The following COL26A1 variants were observed in gnomAD, a reference collection of about 807,000 sequenced individuals.
COL26A1 encodes the protein collagen type XXVI alpha 1 chain, also known as collagen alpha-1(XXVI) chain.
A neutral mutation model predicts 59.3 loss-of-function variants in COL26A1; 41 were observed. The ratio of observed to expected loss-of-function variants is 0.69; its 90% CI spans 0.54 to 0.90. COL26A1 has a LOEUF of 0.90. Among genes scored for constraint, COL26A1 ranks in the 40% least tolerant of loss-of-function variants. The pLI, the probability that COL26A1 is intolerant of heterozygous loss-of-function variation, is 0.00. For missense variants in COL26A1, 612 were observed against 602.3 expected (o/e 1.02, Z -0.17); for synonymous variants, 266 against 256.0 (o/e 1.04, Z -0.37).
At chr7:101,374,756 A>G (rs1791270416) in intron 1 of COL26A1, among the ~76,000 whole-genome samples, 1 of 152,196 alleles carries the variant, frequency 6.6e-6, no homozygotes, top group Non-Finnish European at 1.5e-5. Context: ...TGTCATAATA[A>G]TAGAAATAAA....
At chr7:101,447,328 G>A (rs1793220562) in intron 2 of COL26A1, among the ~76,000 whole-genome samples, 1 of 152,210 alleles carries the variant, frequency 6.6e-6, no homozygotes, top group African/African-American at 2.4e-5. Flanking sequence ...CAGGTAAGAA[G>A]GGGGTCTTTT....
At chr7:101,463,707 TTC>T (rs144530282) in intron 3 of COL26A1, among the ~76,000 whole-genome samples, 49,831 of 113,290 alleles carry the variant, frequency 0.44, 11,853 homozygotes, top group African/African-American at 0.47. Flanking sequence ...TTCTCTCTCT[TTC>T]TTTCTTTTTT....
chr7:101,363,674 T>C (rs1446260329), intron 1 of COL26A1, among the ~76,000 whole-genome samples: 1 of 151,518 alleles, frequency 6.6e-6, no homozygotes, highest in Non-Finnish European at 1.5e-5. Context: ...GCTGCGGTGG[T>C]CTCTGGCCGC....
intron 2 of COL26A1, among the ~76,000 whole-genome samples, chr7:101,437,933 G>A (rs1376193131): frequency 1.3e-5 from 2 of 151,640 alleles, no homozygotes; most frequent in Admixed American, 6.6e-5. Context: ...GGTTGGTCTT[G>A]AACTCCTGGC....
chr7:101,547,328 G>A (rs1327118616), intron 8 of COL26A1, 89 bp downstream of exon 8: 9 of 862,680 alleles, frequency 1.0e-5, no homozygotes, highest in Middle Eastern at 2.3e-4. Context: ...GCTGGAGGTC[G>A]GCTGGCGGTC....
At chr7:101,521,602 G>A (rs1002704840) in intron 3 of COL26A1, among the ~76,000 whole-genome samples, 2 of 152,298 alleles carry the variant, frequency 1.3e-5, no homozygotes, top group African/African-American at 4.8e-5. Context: ...GGTGCACAGA[G>A]CATGGCAAGT....
Position 101,420,002 on chromosome 7 carries a change from C to G in COL26A1, c.184C>G (p.Arg62Gly). Residue 62 changes from arginine to glycine, a missense_variant, in exon 2 of 13, where the codon CGG becomes GGG. By Grantham distance (125) the Arg-to-Gly change is moderately radical. Transcript: ENST00000313669. ...GCACTGGTGCCATCACACAGTGACACGGACGGTGTCCTGCCAGGTGCAGAA... is the reference window on the plus strand; with the variant it reads ...GCACTGGTGCCATCACACAGTGACAGGGACGGTGTCCTGCCAGGTGCAGAA... ...RRHWCHHTVT[R>G]TVSCQVQNGS... is the part of the protein sequence containing the mutation. The G allele has an allele frequency of 6.2e-7, 1 of 1,613,738 alleles. No individual in the cohort carries two copies. The highest frequency in any genetic ancestry group is 8.5e-7 in the Non-Finnish European group (1 of 1,179,858).
chr7:101,442,728 G>T (rs1319512802), intron 2 of COL26A1, among the ~76,000 whole-genome samples: 1 of 152,174 alleles, frequency 6.6e-6, no homozygotes, highest in African/African-American at 2.4e-5. Flanking sequence ...GTGTGAGGCT[G>T]AGTGTGTGTT....
chr7:101,536,859 G>A (rs1795493544), intron 4 of COL26A1, among the ~76,000 whole-genome samples: 1 of 152,230 alleles, frequency 6.6e-6, no homozygotes, highest in African/African-American at 2.4e-5. Context: ...TTATAAAGTG[G>A]CTGCTGCAGC....
chr7:101,433,721 C>T (rs75208600), intron 2 of COL26A1, among the ~76,000 whole-genome samples: 2,467 of 151,960 alleles, frequency 0.016, 55 homozygotes, highest in Non-Finnish European at 0.019. Flanking sequence ...CAGGGTGGCT[C>T]GGAGAAAGAG....
intron 3 of COL26A1, among the ~76,000 whole-genome samples, chr7:101,521,235 C>T (rs1341522113): frequency 2.0e-5 from 3 of 152,242 alleles, no homozygotes; most frequent in African/African-American, 7.2e-5. Flanking sequence ...ATCCAGTCAC[C>T]TCCCACCGTG....
intron 1 of COL26A1, among the ~76,000 whole-genome samples, chr7:101,405,806 C>A (rs191827271): frequency 6.6e-6 from 1 of 152,270 alleles, no homozygotes; most frequent in East Asian, 1.9e-4. Context: ...TTCTCAGCTG[C>A]CCCCTCCACA....
chr7:101,432,617 TGAGTCCCA>T (rs1424200287), intron 2 of COL26A1, among the ~76,000 whole-genome samples: 2 of 152,190 alleles, frequency 1.3e-5, no homozygotes, highest in East Asian at 3.8e-4. Context: ...AGTAGGAGGC[TGAGTCCCA>T]GGAAGAAGCC....
chr7:101,411,163 CTG>C (rs943666069), intron 1 of COL26A1, among the ~76,000 whole-genome samples: 9 of 152,168 alleles, frequency 5.9e-5, no homozygotes, highest in African/African-American at 1.9e-4. Flanking sequence ...AGCTGAGTGA[CTG>C]TGGATGGGAG....
At chr7:101,445,382 G>A (rs1419969249) in intron 2 of COL26A1, among the ~76,000 whole-genome samples, 1 of 151,904 alleles carries the variant, frequency 6.6e-6, no homozygotes, top group Non-Finnish European at 1.5e-5. Context: ...CATCTCCTTG[G>A]CTTCTGGGGA....
rs1221831149 is a variant in COL26A1 at position 101,445,671 on chromosome 7, G to T, written c.282-2013G>T. ...GGCGTGAACCCGGGAGGCGGAGCTT[G>T]CAGTGAGCCGAGATCCCGCCACTGC... On this transcript the variant is annotated intron_variant, in intron 2 of 12. Transcript: ENST00000313669. 2.9e-5 allele frequency among the ~76,000 whole-genome samples: 4 copies of T among 138,248 alleles called. No homozygotes were observed. In the Admixed American group the frequency reaches 3.2e-4, roughly 11 times the overall value. The allele number at this position is 138,248 out of a possible 152,430, so 90.7% of individuals were successfully genotyped here.
rs114765795 is a variant in COL26A1 at position 101,521,008 on chromosome 7, C to T, written c.386-12074C>T. ...ATACTACCTCAGACTGGGTAATTGA[C>T]GAAGAAAAGAGGCCCAACTGACTCA... On this transcript the variant is annotated intron_variant, in intron 3 of 12. Coordinates refer to ENST00000313669, the MANE Select transcript of COL26A1 (RefSeq NM_001278563.3). Among the ~76,000 whole-genome samples the T allele has an allele frequency of 2.7e-3, 415 of 152,244 alleles. 1 individual carries two copies. The highest frequency in any genetic ancestry group is 9.1e-3 in the African/African-American group (378 of 41,528).
At chr7:101,433,062 C>T (rs1204970068) in intron 2 of COL26A1, among the ~76,000 whole-genome samples, 1 of 152,114 alleles carries the variant, frequency 6.6e-6, no homozygotes, top group Non-Finnish European at 1.5e-5. Context: ...GTGGCTCACT[C>T]CTGTAATCCC....
intron 1 of COL26A1, among the ~76,000 whole-genome samples, chr7:101,403,231 G>A (rs1792055670): frequency 6.6e-6 from 1 of 152,174 alleles, no homozygotes; most frequent in African/African-American, 2.4e-5. Flanking sequence ...TCTTCACAGA[G>A]TGGGAGATGC....
Sources: allele counts gnomAD v4.1 joint callset (sites outside exome capture counted in the v4.1 genomes callset), GRCh38; gene constraint gnomAD v4.1.1; transcripts MANE v1.5; gene names NCBI Gene and HGNC (gene_info 2026-07-23, HGNC 2026-07-21).